Variants in BRINP3 observed in about 807,000 individuals in gnomAD.
BRINP3 encodes BMP/retinoic acid inducible neural specific 3.
BRINP3 carries 19 observed loss-of-function variants against 71.0 expected under a neutral mutation model. The ratio of observed to expected loss-of-function variants is 0.27; its 90% CI spans 0.19 to 0.39. The LOEUF (loss-of-function observed/expected upper bound fraction) is 0.39. Ranked by LOEUF, BRINP3 falls within the 10% of genes least tolerant of loss-of-function variation. The probability of loss-of-function intolerance (pLI) is 1.00; values close to 1 mark genes in which losing one functional copy is unlikely to be tolerated. For synonymous variants in BRINP3, 380 were observed against 337.7 expected (o/e 1.13, Z -1.37); for missense variants, 959 against 940.8 (o/e 1.02, Z -0.25).
intron 7 of BRINP3, among the ~76,000 whole-genome samples, chr1:190,114,669 T>A (rs1014677610): frequency 5.9e-5 from 9 of 151,908 alleles, no homozygotes; most frequent in African/African-American, 2.2e-4. Context: ...ATCATCTCAT[T>A]TAGTACACAA....
chr1:190,475,779 C>G (rs1677457131), intron 1 of BRINP3: 1 of 152,202 alleles, frequency 6.6e-6, no homozygotes, highest in Non-Finnish European at 1.5e-5. Flanking sequence ...AACGCACTTA[C>G]CTAAATACTG....
chr1:190,398,942 C>G (rs1224409781), intron 2 of BRINP3, among the ~76,000 whole-genome samples: 1 of 151,866 alleles, frequency 6.6e-6, no homozygotes, highest in Non-Finnish European at 1.5e-5. Flanking sequence ...CCTGAGATAC[C>G]CGTCTTCCAT....
chr1:190,318,324 G>T (rs1666021486), intron 2 of BRINP3, among the ~76,000 whole-genome samples: 1 of 151,992 alleles, frequency 6.6e-6, no homozygotes, highest in Admixed American at 6.6e-5. Flanking sequence ...AATGATTCTT[G>T]ATTTGATTCT....
At chr1:190,167,050 T>A (rs1651616279) in intron 6 of BRINP3, among the ~76,000 whole-genome samples, 1 of 152,068 alleles carries the variant, frequency 6.6e-6, no homozygotes, top group Non-Finnish European at 1.5e-5. Context: ...TACTGTTTCC[T>A]GTGTAGCACA....
chr1:190,199,036 C>A (rs887095237), intron 6 of BRINP3, among the ~76,000 whole-genome samples: 1 of 152,134 alleles, frequency 6.6e-6, no homozygotes, highest in African/African-American at 2.4e-5. Flanking sequence ...GGAGGCCTCA[C>A]AATCATGGCA....
At chr1:190,332,214 AC>A (rs1379642532) in intron 2 of BRINP3, among the ~76,000 whole-genome samples, 1 of 152,092 alleles carries the variant, frequency 6.6e-6, no homozygotes, top group Non-Finnish European at 1.5e-5. Flanking sequence ...TTGCATATAT[AC>A]TGCCAACTCT....
intron 2 of BRINP3, among the ~76,000 whole-genome samples, chr1:190,300,974 A>G (rs2102995448): frequency 6.6e-6 from 1 of 151,876 alleles, no homozygotes; most frequent in South Asian, 2.1e-4. Context: ...TGATCAAATT[A>G]CTCTGAGCTA....
chr1:190,204,497 A>T (rs940850159), intron 6 of BRINP3, among the ~76,000 whole-genome samples: 1 of 151,988 alleles, frequency 6.6e-6, no homozygotes, highest in Non-Finnish European at 1.5e-5. Context: ...TAAAGCCGAC[A>T]TGAGTGGATG....
At chr1:190,307,823 T>C (rs1054447003) in intron 2 of BRINP3, among the ~76,000 whole-genome samples, 5 of 152,026 alleles carry the variant, frequency 3.3e-5, no homozygotes, top group African/African-American at 9.7e-5. Context: ...TCCTGCAAGA[T>C]GGTGGATTGT....
At chr1:190,239,759 C>T (rs1658873715) in intron 4 of BRINP3, among the ~76,000 whole-genome samples, 1 of 151,960 alleles carries the variant, frequency 6.6e-6, no homozygotes, top group African/African-American at 2.4e-5. Context: ...CATCTATCTA[C>T]TTACCTGTTT....
At chr1:190,403,261 T>C (rs1209028957) in intron 2 of BRINP3, among the ~76,000 whole-genome samples, 3 of 152,208 alleles carry the variant, frequency 2.0e-5, no homozygotes, top group East Asian at 1.9e-4. Flanking sequence ...CAACCTATAA[T>C]ATAACTTGAT....
intron 6 of BRINP3, among the ~76,000 whole-genome samples, chr1:190,207,773 T>C (rs888890611): frequency 6.6e-6 from 1 of 152,140 alleles, no homozygotes; most frequent in Non-Finnish European, 1.5e-5. Context: ...AATGAACAAA[T>C]TGATTTTTAG....
intron 7 of BRINP3, among the ~76,000 whole-genome samples, chr1:190,153,707 G>T (rs775744153): frequency 6.6e-6 from 1 of 152,044 alleles, no homozygotes; most frequent in Non-Finnish European, 1.5e-5. Context: ...TAATATTAAA[G>T]AATTTGGGTC....
At chr1:190,420,413 G>C (rs892465888) in intron 2 of BRINP3, among the ~76,000 whole-genome samples, 6 of 151,942 alleles carry the variant, frequency 3.9e-5, no homozygotes, top group African/African-American at 1.4e-4. Context: ...AATGCAGTTT[G>C]ATAGACTTTC....
At chr1:190,252,140 A>T (rs1050196678) in intron 4 of BRINP3, among the ~76,000 whole-genome samples, 1 of 152,010 alleles carries the variant, frequency 6.6e-6, no homozygotes, top group Non-Finnish European at 1.5e-5. Flanking sequence ...TCACAAATTC[A>T]CCAAAATGCA....
chr1:190,110,992 G>A (rs898968382), intron 7 of BRINP3, among the ~76,000 whole-genome samples: 2 of 151,616 alleles, frequency 1.3e-5, no homozygotes, highest in Non-Finnish European at 2.9e-5. Flanking sequence ...TGGCTAACAC[G>A]GTGAAACCCC....
intron 2 of BRINP3, among the ~76,000 whole-genome samples, chr1:190,315,037 A>G (rs988409888): frequency 6.6e-6 from 1 of 152,160 alleles, no homozygotes; most frequent in African/African-American, 2.4e-5. Context: ...CACTAGCATT[A>G]TGGTGAAGTT....
chr1:190,161,737 C>T (rs531849812), intron 6 of BRINP3, among the ~76,000 whole-genome samples: 21 of 152,052 alleles, frequency 1.4e-4, no homozygotes, highest in South Asian at 4.1e-4. Flanking sequence ...AACAACTAGA[C>T]GGTTAATCAA....
At chr1:190,315,104 G>T (rs1246444685) in intron 2 of BRINP3, among the ~76,000 whole-genome samples, 1 of 152,072 alleles carries the variant, frequency 6.6e-6, no homozygotes, top group Non-Finnish European at 1.5e-5. Context: ...TATTAACAAT[G>T]AGTTGCCTAT....
Sources: gnomAD v4.1 joint callset for allele counts (sites outside exome capture counted in the v4.1 genomes callset) on GRCh38, gnomAD v4.1.1 for gene constraint, MANE v1.5 for transcripts, NCBI Gene and HGNC (gene_info 2026-07-23, HGNC 2026-07-21) for gene names.